Variants in CSGALNACT1 observed in about 807,000 individuals in gnomAD.
The protein encoded by CSGALNACT1 is beta4GalNAcT-1.
A neutral mutation model predicts 51.0 loss-of-function variants in CSGALNACT1; 52 were observed. That is an observed-to-expected ratio of 1.02 (90% CI 0.82 to 1.29). The LOEUF (loss-of-function observed/expected upper bound fraction) is 1.29, where lower values mean the gene tolerates loss of function less well. CSGALNACT1 is among the 50% of genes most tolerant of loss of function. CSGALNACT1 has a pLI of 0.00. For synonymous variants in CSGALNACT1, 341 were observed against 254.4 expected, an observed-to-expected ratio of 1.34 and a Z score of -3.24; for missense variants, 935 against 679.2, an observed-to-expected ratio of 1.38 and a Z score of -4.19.
At chr8:19,552,788 G>A (rs1217304185) in intron 3 of CSGALNACT1, among the ~76,000 whole-genome samples, 1 of 152,156 alleles carries the variant, frequency 6.6e-6, no homozygotes, top group Non-Finnish European at 1.5e-5. Flanking sequence ...TCTAACTGTA[G>A]CTAAACAGAA....
chr8:19,609,437 C>T (rs2051872950), intron 1 of CSGALNACT1, among the ~76,000 whole-genome samples: 1 of 150,896 alleles, frequency 6.6e-6, no homozygotes, highest in Non-Finnish European at 1.5e-5. Flanking sequence ...AATGTGTTTT[C>T]ATTCCACACC....
rs113259647 is a variant in CSGALNACT1, at chr8:19,523,367, C to T, written c.-296-17237G>A. ...GCAGTCTTGAACTCCAGGACTCAAG[C>T]CATCCTCCCACCTCGGCCTCTGGAG... On this transcript the variant is annotated intron_variant, in intron 3 of 9. Transcript: ENST00000454498. Among the ~76,000 whole-genome samples, 550 of 152,304 alleles carry T rather than the reference C, an allele frequency of 3.6e-3. 4 individuals carry two copies. Among genetic ancestry groups the T allele is most frequent in the African/African-American group, 0.013 (528 of 41,560 alleles).
At chr8:19,679,052 A>T (rs1215636123) in intron 1 of CSGALNACT1, among the ~76,000 whole-genome samples, 1 of 152,234 alleles carries the variant, frequency 6.6e-6, no homozygotes, top group Non-Finnish European at 1.5e-5. Context: ...ACGTTATGCA[A>T]TCAATAGTGT....
intron 1 of CSGALNACT1, among the ~76,000 whole-genome samples, chr8:19,728,988 T>C: frequency 6.6e-6 from 1 of 151,976 alleles, no homozygotes; most frequent in East Asian, 1.9e-4. Context: ...TTTTCAAAGG[T>C]TCCTACTGTT....
chr8:19,591,178 C>T (rs1475265108), exon 3 of CSGALNACT1: 4 of 152,310 alleles, frequency 2.6e-5, no homozygotes, highest in Non-Finnish European at 5.9e-5. Context: ...AAAGCCACAG[C>T]AGCAGCAAGA....
At chr8:19,564,741 A>T (rs1399137772) in intron 3 of CSGALNACT1, among the ~76,000 whole-genome samples, 1 of 152,178 alleles carries the variant, frequency 6.6e-6, no homozygotes, top group Non-Finnish European at 1.5e-5. Context: ...TCTGTAGCAC[A>T]TTTCATTCTA....
chr8:19,498,866 T>A (rs1038523728), intron 4 of CSGALNACT1, among the ~76,000 whole-genome samples: 5 of 152,238 alleles, frequency 3.3e-5, no homozygotes, highest in African/African-American at 1.2e-4. Context: ...GTAATCTCAA[T>A]GCTTTGGGAT....
intron 5 of CSGALNACT1, among the ~76,000 whole-genome samples, chr8:19,455,912 G>C (rs1190025286): frequency 6.6e-6 from 1 of 152,198 alleles, no homozygotes; most frequent in Non-Finnish European, 1.5e-5. Flanking sequence ...ACATGCAAAA[G>C]GCTCTCAAAA....
At chr8:19,534,619 G>T (rs1207323939) in intron 3 of CSGALNACT1, among the ~76,000 whole-genome samples, 5 of 152,108 alleles carry the variant, frequency 3.3e-5, no homozygotes, top group Admixed American at 2.0e-4. Flanking sequence ...AAAATTAAAT[G>T]AAATCCACCA....
chr8:19,575,730 G>A (rs1022392370), intron 3 of CSGALNACT1, among the ~76,000 whole-genome samples: 7 of 152,048 alleles, frequency 4.6e-5, no homozygotes, highest in African/African-American at 1.4e-4. Context: ...AAGTATTTAC[G>A]TGTGAAAGAG....
chr8:19,465,253 A>C (rs2066409575), intron 4 of CSGALNACT1, among the ~76,000 whole-genome samples: 1 of 152,210 alleles, frequency 6.6e-6, no homozygotes, highest in Admixed American at 6.5e-5. Context: ...ACAAAAAGAC[A>C]AATACTGTAA....
At chr8:19,716,381 G>C (rs892626190) in intron 1 of CSGALNACT1, among the ~76,000 whole-genome samples, 4 of 151,684 alleles carry the variant, frequency 2.6e-5, no homozygotes, top group Admixed American at 6.6e-5. Flanking sequence ...GTCAATCTTG[G>C]CTTTTTATTA....
chr8:19,505,851 C>A (rs765985504), exon 4 of CSGALNACT1: 7 of 1,606,346 alleles, frequency 4.4e-6, no homozygotes, highest in Non-Finnish European at 5.9e-6. Context: ...ATCAGCCATG[C>A]GTCCAGAACC....
intron 1 of CSGALNACT1, among the ~76,000 whole-genome samples, chr8:19,636,364 A>G (rs1431197620): frequency 6.6e-6 from 1 of 152,164 alleles, no homozygotes; most frequent in East Asian, 1.9e-4. Flanking sequence ...GTTTGGGACT[A>G]TCTGTGGCTT....
intron 3 of CSGALNACT1, among the ~76,000 whole-genome samples, chr8:19,558,981 AT>A (rs1218347808): frequency 6.6e-6 from 1 of 152,196 alleles, no homozygotes; most frequent in Non-Finnish European, 1.5e-5. Flanking sequence ...ATTTCCAAAT[AT>A]TTGATGTTCC....
At chr8:19,404,414 T>C in exon 10 of CSGALNACT1, 1 of 452,884 alleles carries the variant, frequency 2.2e-6, no homozygotes, top group South Asian at 1.6e-5. Context: ...GAAACCACTC[T>C]ATGTTAACTG....
chr8:19,571,463 AAAAC>A, intron 3 of CSGALNACT1, among the ~76,000 whole-genome samples: 1 of 148,404 alleles, frequency 6.7e-6, no homozygotes, highest in Non-Finnish European at 1.5e-5. Context: ...CACCAAAACA[AAAAC>A]AAAAACAAAA....
At chr8:19,617,262 T>C (rs770180742) in intron 1 of CSGALNACT1, among the ~76,000 whole-genome samples, 2 of 152,284 alleles carry the variant, frequency 1.3e-5, no homozygotes, top group East Asian at 3.9e-4. Flanking sequence ...CGGCTGTAAA[T>C]ACAAATGAAG....
chr8:19,613,289 C>T (rs1324021550), intron 1 of CSGALNACT1, among the ~76,000 whole-genome samples: 1 of 152,136 alleles, frequency 6.6e-6, no homozygotes, highest in Non-Finnish European at 1.5e-5. Flanking sequence ...CTATTTAGTG[C>T]TTTGTTTTTA....
Sources: gnomAD v4.1 joint callset for allele counts (sites outside exome capture counted in the v4.1 genomes callset) on GRCh38, gnomAD v4.1.1 for gene constraint, MANE v1.5 for transcripts, NCBI Gene and HGNC (gene_info 2026-07-23, HGNC 2026-07-21) for gene names.